HIF3A: variants seen among roughly 807,000 people sequenced by gnomAD.
HIF3A encodes hypoxia-inducible factor 3-alpha.
HIF3A carries 41 observed loss-of-function variants against 67.2 expected under a neutral mutation model. The observed-to-expected ratio is 0.61, with a 90% CI of 0.48 to 0.79. HIF3A has a LOEUF of 0.79. HIF3A is among the 30% of genes least tolerant of loss of function. The pLI is 0.00. For synonymous variants in HIF3A, 356 were observed against 374.8 expected (o/e 0.95, Z 0.58); for missense variants, 855 against 898.0 (o/e 0.95, Z 0.61).
rs530843067 is a variant in HIF3A at position 46,314,747 on chromosome 19, C to T, written c.1025+2094C>T. Among the ~76,000 whole-genome samples the T allele has an allele frequency of 5.5e-5, 8 of 146,074 alleles. 2 individuals carry two copies. The highest frequency in any genetic ancestry group is 4.5e-4 in the South Asian group (2 of 4,440). Reference sequence around the variant, plus strand: ...CTAATTTTTGTATTTTTAGTAGAGTCGGGGTTTCACCATGTTGGCCAGGCT... The same window carrying T: ...CTAATTTTTGTATTTTTAGTAGAGTTGGGGTTTCACCATGTTGGCCAGGCT... On this transcript the variant is annotated intron_variant, in intron 8 of 14. Coordinates refer to ENST00000377670, the MANE Select transcript of HIF3A (RefSeq NM_152795.4).
At chr19:46,305,801 G>A (rs191797532) in intron 3 of HIF3A, among the ~76,000 whole-genome samples, 82 of 152,322 alleles carry the variant, frequency 5.4e-4, no homozygotes, top group African/African-American at 1.8e-3. Context: ...AGTTGGCCAC[G>A]TGCAGTGGCT....
At chr19:46,301,067 G>A (rs908558466) in intron 1 of HIF3A, among the ~76,000 whole-genome samples, 2 of 152,056 alleles carry the variant, frequency 1.3e-5, no homozygotes, top group African/African-American at 2.4e-5. Flanking sequence ...AGAACAGGAC[G>A]GAATGTCCTC....
intron 8 of HIF3A, among the ~76,000 whole-genome samples, chr19:46,313,571 T>G (rs1022428769): frequency 2.6e-5 from 4 of 151,620 alleles, no homozygotes; most frequent in Admixed American, 2.0e-4. Context: ...GTTCTGTGAA[T>G]TTTTGACACA....
At chr19:46,318,677 G>A (rs1970124682) in intron 8 of HIF3A, among the ~76,000 whole-genome samples, 2 of 151,694 alleles carry the variant, frequency 1.3e-5, no homozygotes, top group South Asian at 4.2e-4. Flanking sequence ...CTGGAGTGCA[G>A]TGGCGTGATC....
In HIF3A at chr19:46,309,853, G is replaced by A. The variant is rs577730485; in HGVS notation, c.770+494G>A. 1.4e-4 allele frequency among the ~76,000 whole-genome samples: 22 copies of A among 152,154 alleles called. No individual in the cohort carries two copies. In the East Asian group the frequency reaches 2.3e-3, roughly 16 times the overall value. ...GGCAGTACCAGCACTTAGGGAGGCC[G>A]ATGCGGGAGAATTGCTTGAGACCAG... On this transcript the variant is annotated intron_variant, in intron 6 of 14. Coordinates refer to ENST00000377670, the MANE Select transcript of HIF3A (RefSeq NM_152795.4).
At chr19:46,325,370 T>G (rs552824719) in intron 10 of HIF3A, among the ~76,000 whole-genome samples, 165 bp from the exon 11 acceptor site, 1 of 152,084 alleles carries the variant, frequency 6.6e-6, no homozygotes, top group African/African-American at 2.4e-5. Flanking sequence ...TTCTGAGTTT[T>G]GAACACCCAG....
rs375354815 is a variant in HIF3A at position 46,334,890 on chromosome 19, G to T, written c.1831-15G>T. The stretch of plus-strand genomic sequence containing the variant: ...TGATGATGATGATGGTGGTGGCTTT[G>T]TCTCTCTCCCACAGAGTTTCCTTCT... On this transcript the variant is annotated splice_polypyrimidine_tract_variant and intron_variant, in intron 13 of 14. Transcript: ENST00000377670. The T allele has an allele frequency of 1.2e-6, 2 of 1,602,330 alleles. No individual in the cohort carries two copies. The highest frequency in any genetic ancestry group is 1.7e-6 in the Non-Finnish European group (2 of 1,173,004).
At chr19:46,300,523 T>C (rs1968232134) in intron 1 of HIF3A, among the ~76,000 whole-genome samples, 1 of 152,078 alleles carries the variant, frequency 6.6e-6, no homozygotes, top group African/African-American at 2.4e-5. Flanking sequence ...TACCCAGGCA[T>C]GGTGGCAGGA....
At position 46,308,645 on chromosome 19, in the gene HIF3A, GC is replaced by G; in HGVS notation, c.449-13del. On this transcript the variant is annotated splice_polypyrimidine_tract_variant and intron_variant, in intron 4 of 14. Transcript: ENST00000377670. Reference sequence around the variant, plus strand: ...TGTAGCTGCCTGTGACCTCCCCGCTGCCCCCGGGCCTCCCCAGCCCTGTCCA... The same window carrying G: ...TGTAGCTGCCTGTGACCTCCCCGCTGCCCCGGGCCTCCCCAGCCCTGTCCA... The G allele has an allele frequency of 6.6e-7, 1 of 1,514,138 alleles. No individual in the cohort carries two copies. The highest frequency in any genetic ancestry group is 9.0e-7 in the Non-Finnish European group (1 of 1,107,682). 93.8% of individuals were successfully genotyped at this position (1,514,138 alleles called of 1,614,324 possible).
At position 46,321,502 on chromosome 19, in the gene HIF3A, C is replaced by T. The variant is rs553654650; in HGVS notation, c.1145-274C>T. On this transcript the variant is annotated intron_variant, in intron 9 of 14. Transcript: ENST00000377670. Reference sequence around the variant, plus strand: ...TGGAGACTGAGGCAGGAGAATTGCTCGAACCCAGGAGGCAGAGGCTGCAGT... The same window carrying T: ...TGGAGACTGAGGCAGGAGAATTGCTTGAACCCAGGAGGCAGAGGCTGCAGT... 1.6e-4 allele frequency among the ~76,000 whole-genome samples: 25 copies of T among 152,204 alleles called. No individual in the cohort carries two copies. The South Asian group carries it at 5.2e-3, about 32-fold the overall frequency.
intron 3 of HIF3A, among the ~76,000 whole-genome samples, chr19:46,305,944 T>C (rs1165624465): frequency 4.6e-5 from 7 of 152,096 alleles, no homozygotes; most frequent in African/African-American, 1.7e-4. Flanking sequence ...CCAGATGTTG[T>C]GGCACATGCC....
Position 46,305,282 on chromosome 19 carries a change from G to A in HIF3A, c.255G>A (p.Leu85=). The part of the protein sequence containing the change: ...WNQVGAGGEP[L]DACYLKALEG... ...AGGTGGGAGCAGGGGGAGAACCACTGGATGCCTGCTACCTGAAGGCCCTGG... is the reference window on the plus strand; with the variant it reads ...AGGTGGGAGCAGGGGGAGAACCACTAGATGCCTGCTACCTGAAGGCCCTGG... The change falls in exon 3 of 15, where the codon CTG becomes CTA. Residue 85 remains leucine, a synonymous_variant. Transcript: ENST00000377670. The A allele has an allele frequency of 6.2e-7, 1 of 1,614,112 alleles. No individual in the cohort carries two copies. The highest frequency in any genetic ancestry group is 8.5e-7 in the Non-Finnish European group (1 of 1,180,020).
Position 46,303,471 on chromosome 19 carries a change from G to A in HIF3A, c.27-427G>A, listed in dbSNP as rs1045075652. On this transcript the variant is annotated intron_variant, in intron 1 of 14. Transcript: ENST00000377670. ...ATTCTGGGAAACTGCAGGGCAGGGG[G>A]CCTGGGAGGCTGTAGGCCTCTCCTT... The A allele has an allele frequency of 9.4e-6, 6 of 635,332 alleles. No individual in the cohort carries two copies. In the Admixed American group the frequency reaches 1.2e-4, roughly 13 times the overall value. The allele number at this position is 635,332 out of a possible 1,614,324, so 39.4% of individuals were successfully genotyped here. A position where few individuals can be genotyped will look rare whatever the true frequency, so the allele number is the denominator to read the frequency against.
At chr19:46,301,623 C>G (rs1252403022) in intron 1 of HIF3A, among the ~76,000 whole-genome samples, 1 of 151,932 alleles carries the variant, frequency 6.6e-6, no homozygotes, top group African/African-American at 2.4e-5. Context: ...GTCAAGAGTT[C>G]GAGAGCAGCC....
chr19:46,314,570 T>A (rs140320978), intron 8 of HIF3A, among the ~76,000 whole-genome samples: 2,132 of 147,092 alleles, frequency 0.014, 204 homozygotes, highest in African/African-American at 0.049. Context: ...TTATTTATTT[T>A]TTTTGAGACA....
At chr19:46,325,139 G>C (rs373011587) in intron 10 of HIF3A, among the ~76,000 whole-genome samples, 1 of 151,156 alleles carries the variant, frequency 6.6e-6, no homozygotes. Context: ...TAGGACCACA[G>C]ATGTGTGCCA....
At chr19:46,301,535 G>GC (rs1194968586) in intron 1 of HIF3A, among the ~76,000 whole-genome samples, 1 of 152,036 alleles carries the variant, frequency 6.6e-6, no homozygotes, top group African/African-American at 2.4e-5. Context: ...AGTTTAAAAT[G>GC]CCCCCCTCCG....
At chr19:46,332,630 C>A (rs535765800) in intron 13 of HIF3A, among the ~76,000 whole-genome samples, 4 of 152,312 alleles carry the variant, frequency 2.6e-5, no homozygotes, top group South Asian at 4.1e-4. Context: ...GTGCTTACAG[C>A]AGTGCCCTGG....
At position 46,343,278 on chromosome 19, in the gene HIF3A, T is replaced by C. The variant is rs1971994673; in HGVS notation, c.*3656T>C. On this transcript the variant is annotated 3_prime_UTR_variant, in exon 15 of 15. Coordinates refer to ENST00000377670, the MANE Select transcript of HIF3A (RefSeq NM_152795.4). ...TATCCAGATTGGTGCTATGGGGGGG[T>C]CTGACCCCTCCCTCCTCCCTCTGGA... 1 of 151,568 alleles carries C rather than the reference T, an allele frequency of 6.6e-6. No individual in the cohort carries two copies. Among genetic ancestry groups the C allele is most frequent in the South Asian group, 2.1e-4 (1 of 4,774 alleles). The allele number at this position is 151,568 out of a possible 1,614,324, so 9.4% of individuals were successfully genotyped here.
Sources: allele counts gnomAD v4.1 joint callset (sites outside exome capture counted in the v4.1 genomes callset), GRCh38; gene constraint gnomAD v4.1.1; transcripts MANE v1.5; gene names NCBI Gene and HGNC (gene_info 2026-07-23, HGNC 2026-07-21).